Variants in RND3 observed in about 807,000 individuals in gnomAD.
The protein encoded by RND3 is rho-related GTP-binding protein RhoE.
RND3 carries 8 observed loss-of-function variants against 26.5 expected under a neutral mutation model. That is an observed-to-expected ratio of 0.30 (90% CI 0.18 to 0.54). The LOEUF (loss-of-function observed/expected upper bound fraction) is 0.54. RND3 is among the 20% of genes least tolerant of loss of function. The pLI is 0.94. For missense variants in RND3, 207 were observed against 302.8 expected (o/e 0.68, Z 2.35); for synonymous variants, 113 against 113.0 (o/e 1.00, Z 0.00).
intron 3 of RND3, among the ~76,000 whole-genome samples, chr2:150,482,647 GCTGGAGTACTGTAGC>G (rs1260043023): frequency 6.7e-6 from 1 of 148,446 alleles, no homozygotes; most frequent in East Asian, 2.0e-4. Context: ...TGTTGGGGGG[GCTGGAGTACTGTAGC>G]CCTAAGAATT....
At chr2:150,475,035 G>T in intron 3 of RND3, 51 bp from the exon 4 acceptor site, 3 of 1,126,710 alleles carry the variant, frequency 2.7e-6, no homozygotes, top group Non-Finnish European at 4.1e-6. Context: ...CCCCTTGTCT[G>T]TCATGCATTA....
At chr2:150,470,423 A>G (rs1055583941) in intron 5 of RND3, among the ~76,000 whole-genome samples, 185 bp from the exon 6 acceptor site, 1 of 152,168 alleles carries the variant, frequency 6.6e-6, no homozygotes, top group African/African-American at 2.4e-5. Context: ...TTATTACTTC[A>G]TAACTATTTG....
At position 150,487,474 on chromosome 2, in the gene RND3, A is replaced by AAAAAAAATATATATATATATATATATAT; in HGVS notation, c.-38-20_-38-19insATATATATATATATATATATATTTTTTT. Reference sequence around the variant, plus strand: ...ATTTTCTCTTAAGAAGAAAAAAAAAAATATATATATATATATATATTTCTC... The same window carrying AAAAAAAATATATATATATATATATATAT: ...ATTTTCTCTTAAGAAGAAAAAAAAAAAAAAAAATATATATATATATATATATATATATATATATATATATATATTTCTC... On this transcript the variant is annotated intron_variant, in intron 1 of 5. Transcript: ENST00000263895. 2 of 196,040 alleles carry AAAAAAAATATATATATATATATATATAT rather than the reference A, an allele frequency of 1.0e-5. No homozygotes were observed. Among genetic ancestry groups the AAAAAAAATATATATATATATATATATAT allele is most frequent in the East Asian group, 1.2e-4 (1 of 8,094 alleles). The allele number at this position is 196,040 out of a possible 1,614,324, so 12.1% of individuals were successfully genotyped here.
chr2:150,485,660 C>T (rs904567619), intron 3 of RND3, among the ~76,000 whole-genome samples: 1 of 152,146 alleles, frequency 6.6e-6, no homozygotes, highest in Non-Finnish European at 1.5e-5. Flanking sequence ...CGCTAGACAC[C>T]GCTGGTTAGG....
chr2:150,479,170 C>T (rs1017083183), intron 3 of RND3, among the ~76,000 whole-genome samples: 6 of 152,094 alleles, frequency 3.9e-5, no homozygotes, highest in Admixed American at 1.3e-4. Context: ...TTCAGATCTA[C>T]CCATCTTTGT....
At chr2:150,480,300 T>C (rs1686249096) in intron 3 of RND3, among the ~76,000 whole-genome samples, 1 of 152,312 alleles carries the variant, frequency 6.6e-6, no homozygotes, top group East Asian at 1.9e-4. Context: ...TCAAAACCAA[T>C]GTGCACAACA....
At chr2:150,475,035 G>C (rs763827154) in intron 3 of RND3, 51 bp from the exon 4 acceptor site, 2 of 1,126,592 alleles carry the variant, frequency 1.8e-6, no homozygotes, top group East Asian at 2.4e-5. Flanking sequence ...CCCCTTGTCT[G>C]TCATGCATTA....
chr2:150,476,919 A>G (rs1007955704), intron 3 of RND3, among the ~76,000 whole-genome samples: 5 of 152,084 alleles, frequency 3.3e-5, no homozygotes, highest in African/African-American at 1.2e-4. Flanking sequence ...CTCAACTAGA[A>G]CCTTTCCTGT....
At chr2:150,482,510 G>A (rs1175072470) in intron 3 of RND3, among the ~76,000 whole-genome samples, 1 of 152,104 alleles carries the variant, frequency 6.6e-6, no homozygotes, top group African/African-American at 2.4e-5. Context: ...GAGCATTTCT[G>A]CAACTATTAA....
At chr2:150,470,448 T>C (rs1686068964) in intron 5 of RND3, among the ~76,000 whole-genome samples, 1 of 152,112 alleles carries the variant, frequency 6.6e-6, no homozygotes, top group African/African-American at 2.4e-5. Flanking sequence ...CCAGAGCCCA[T>C]CCCTAAGATG....
Position 150,468,385 on chromosome 2 carries a change from C to A in RND3, c.*1602G>T, listed in dbSNP as rs979124283. 1 of 152,608 alleles carries A rather than the reference C, an allele frequency of 6.6e-6. No homozygotes were observed. Among genetic ancestry groups the A allele is most frequent in the African/African-American group, 2.4e-5 (1 of 41,436 alleles). The allele number at this position is 152,608 out of a possible 1,614,324, so 9.5% of individuals were successfully genotyped here. ...ATATTTAAATACAGAAAGCACTCGC[C>A]AGCTATTTTGTAATACTGCCCAAAG... On this transcript the variant is annotated 3_prime_UTR_variant, in exon 6 of 6. Coordinates refer to ENST00000263895, the MANE Select transcript of RND3 (RefSeq NM_005168.5).
intron 4 of RND3, among the ~76,000 whole-genome samples, chr2:150,472,978 A>G (rs1024315158): frequency 6.6e-6 from 1 of 151,652 alleles, no homozygotes; most frequent in Non-Finnish European, 1.5e-5. Context: ...CATTTTGTCC[A>G]CTTATTCCTC....
intron 4 of RND3, 86 bp from the exon 5 acceptor site, chr2:150,471,847 A>G (rs190820528): frequency 0.011 from 12,671 of 1,115,358 alleles, 91 homozygotes; most frequent in Non-Finnish European, 0.014. Flanking sequence ...GGCTGACATT[A>G]GAATGAAACT....
rs1425772229 is a variant in RND3 at position 150,468,667 on chromosome 2, C to T, written c.*1320G>A. On this transcript the variant is annotated 3_prime_UTR_variant, in exon 6 of 6. Coordinates refer to ENST00000263895, the MANE Select transcript of RND3 (RefSeq NM_005168.5). Reference sequence around the variant, plus strand: ...ACAATAAACAGGTCAGATCTGGTTTCTTCTCTGAAAGAATCTCTAAAAGGA... The same window carrying T: ...ACAATAAACAGGTCAGATCTGGTTTTTTCTCTGAAAGAATCTCTAAAAGGA... The T allele has an allele frequency of 6.6e-6, 1 of 152,636 alleles. No individual in the cohort carries two copies. Among genetic ancestry groups the T allele is most frequent in the Non-Finnish European group, 1.5e-5 (1 of 68,030 alleles). 9.5% of individuals were successfully genotyped at this position (152,636 alleles called of 1,614,324 possible). A position where few individuals can be genotyped will look rare whatever the true frequency, so the allele number is the denominator to read the frequency against.
chr2:150,482,135 T>C (rs1453685317), intron 3 of RND3, among the ~76,000 whole-genome samples: 9 of 152,184 alleles, frequency 5.9e-5, no homozygotes, highest in Admixed American at 4.6e-4. Flanking sequence ...AGCATAGTTA[T>C]TGTGGGGAAT....
At chr2:150,471,805 G>T in intron 4 of RND3, 44 bp from the exon 5 acceptor site, 1 of 1,506,298 alleles carries the variant, frequency 6.6e-7, no homozygotes, top group South Asian at 1.2e-5. Flanking sequence ...ACAAAGTAAC[G>T]GTATCCATAT....
In RND3 at chr2:150,469,114, C is replaced by G. The variant is rs1686038946; in HGVS notation, c.*873G>C. On this transcript the variant is annotated 3_prime_UTR_variant, in exon 6 of 6. Transcript: ENST00000263895. ...GGTGAAAACAGTAACTACCTTTTTTCTCTCCTTGGATCATTCTATGACATC... is the reference window on the plus strand; with the variant it reads ...GGTGAAAACAGTAACTACCTTTTTTGTCTCCTTGGATCATTCTATGACATC... The G allele has an allele frequency of 6.6e-6, 1 of 152,474 alleles. No homozygotes were observed. The highest frequency in any genetic ancestry group is 1.5e-5 in the Non-Finnish European group (1 of 67,968). 9.4% of individuals were successfully genotyped at this position (152,474 alleles called of 1,614,324 possible). A position where few individuals can be genotyped will look rare whatever the true frequency, so the allele number is the denominator to read the frequency against.
At chr2:150,480,205 TATG>T (rs956856229) in intron 3 of RND3, among the ~76,000 whole-genome samples, 1 of 152,220 alleles carries the variant, frequency 6.6e-6, no homozygotes, top group Non-Finnish European at 1.5e-5. Context: ...TTTTGTTTCA[TATG>T]ATATCTAAGA....
intron 3 of RND3, among the ~76,000 whole-genome samples, chr2:150,483,403 A>C (rs1435905798): frequency 6.6e-6 from 1 of 152,198 alleles, no homozygotes; most frequent in Non-Finnish European, 1.5e-5. Flanking sequence ...TTTTTCCTAT[A>C]TAAGTCTCTT....
Sources: gnomAD v4.1 joint callset for allele counts (sites outside exome capture counted in the v4.1 genomes callset) on GRCh38, gnomAD v4.1.1 for gene constraint, MANE v1.5 for transcripts, NCBI Gene and HGNC (gene_info 2026-07-23, HGNC 2026-07-21) for gene names.